The following PTPRD variants were observed in gnomAD, a reference collection of about 807,000 sequenced individuals.
PTPRD encodes the protein protein tyrosine phosphatase receptor type D.
PTPRD carries 34 observed loss-of-function variants against 214.5 expected under a neutral mutation model. The observed-to-expected ratio is 0.16, with a 90% CI of 0.12 to 0.21. The LOEUF (loss-of-function observed/expected upper bound fraction) is 0.21, where lower values mean the gene tolerates loss of function less well. Among genes scored for constraint, PTPRD ranks in the 10% least tolerant of loss-of-function variants. The pLI is 1.00. For missense variants in PTPRD, 2,545 were observed against 2,398.7 expected, an observed-to-expected ratio of 1.06 and a Z score of -1.27; for synonymous variants, 1,128 against 845.7, an observed-to-expected ratio of 1.33 and a Z score of -5.79.
intron 7 of PTPRD, among the ~76,000 whole-genome samples, chr9:9,580,818 G>T (rs1408437377): frequency 6.6e-6 from 1 of 151,780 alleles, no homozygotes; most frequent in African/African-American, 2.4e-5. Context: ...CAAAGTGCTG[G>T]GATTACAGGC....
At chr9:10,582,198 G>A (rs569971385) in intron 2 of PTPRD, among the ~76,000 whole-genome samples, 12 of 152,174 alleles carry the variant, frequency 7.9e-5, no homozygotes, top group Admixed American at 2.0e-4. Context: ...ATGGCCATCC[G>A]GTGAAACTGT....
intron 8 of PTPRD, among the ~76,000 whole-genome samples, chr9:9,435,752 T>A (rs1013301816): frequency 6.6e-6 from 1 of 152,182 alleles, no homozygotes; most frequent in African/African-American, 2.4e-5. Context: ...CAATACTTAT[T>A]ACATGTAATG....
intron 3 of PTPRD, among the ~76,000 whole-genome samples, chr9:10,217,289 C>G (rs150044153): frequency 4.2e-4 from 63 of 151,694 alleles, no homozygotes; most frequent in African/African-American, 1.5e-3. Context: ...AACACAGACA[C>G]GCAGGTACAA....
At chr9:8,947,029 CTTT>C (rs71317390) in intron 11 of PTPRD, among the ~76,000 whole-genome samples, 1 of 121,000 alleles carries the variant, frequency 8.3e-6, no homozygotes, top group African/African-American at 3.1e-5. Context: ...TTTTTCTTTT[CTTT>C]TTTTTTTTTT....
At chr9:9,111,058 C>T (rs988918637) in intron 10 of PTPRD, among the ~76,000 whole-genome samples, 1 of 151,944 alleles carries the variant, frequency 6.6e-6, no homozygotes, top group Non-Finnish European at 1.5e-5. Flanking sequence ...ATGGAGCTGA[C>T]AGTCCAACAG....
intron 12 of PTPRD, among the ~76,000 whole-genome samples, chr9:8,644,065 C>G (rs930886302): frequency 6.6e-6 from 1 of 152,168 alleles, no homozygotes; most frequent in African/African-American, 2.4e-5. Context: ...AAGTTCCAGG[C>G]TCAGCCAAAG....
rs552794855 is a variant in PTPRD at position 10,091,057 on chromosome 9, C to G, written c.-544-57267G>C. ...TCATACATCATTTCCATAATTATAC[C>G]TGGTATATGTAAAACAAATAATGGC... On this transcript the variant is annotated intron_variant, in intron 3 of 45. Transcript: ENST00000381196. 2.7e-5 allele frequency among the ~76,000 whole-genome samples: 4 copies of G among 150,668 alleles called. No homozygotes were observed. The South Asian group carries it at 6.3e-4, about 24-fold the overall frequency.
At chr9:9,097,575 A>AT (rs112183983) in intron 10 of PTPRD, among the ~76,000 whole-genome samples, 20,881 of 151,348 alleles carry the variant, frequency 0.14, 1,679 homozygotes, top group East Asian at 0.23. Context: ...TGCCAGGCTA[A>AT]TTTTTTTTGT....
chr9:10,502,633 A>T (rs529093007), intron 2 of PTPRD, among the ~76,000 whole-genome samples: 1 of 152,202 alleles, frequency 6.6e-6, no homozygotes, highest in Non-Finnish European at 1.5e-5. Context: ...CCCATTGCCT[A>T]AGCAGGCTAA....
chr9:10,000,570 GA>G (rs770981062), intron 4 of PTPRD, among the ~76,000 whole-genome samples: 14 of 152,176 alleles, frequency 9.2e-5, no homozygotes, highest in Non-Finnish European at 1.6e-4. Flanking sequence ...TACTTCTCTT[GA>G]GGGGGGAATA....
intron 8 of PTPRD, among the ~76,000 whole-genome samples, chr9:9,500,225 C>T (rs2096362305): frequency 6.6e-6 from 1 of 152,002 alleles, no homozygotes; most frequent in African/African-American, 2.4e-5. Context: ...GTAATCTCTC[C>T]TCCCAGCCAT....
chr9:8,864,222 T>C (rs1454185168), intron 11 of PTPRD, among the ~76,000 whole-genome samples: 1 of 152,210 alleles, frequency 6.6e-6, no homozygotes, highest in Non-Finnish European at 1.5e-5. Flanking sequence ...TCAATATTAT[T>C]ATTTCCATGG....
chr9:10,146,177 C>G (rs933573602), intron 3 of PTPRD, among the ~76,000 whole-genome samples: 1 of 136,126 alleles, frequency 7.3e-6, no homozygotes, highest in African/African-American at 2.7e-5. Context: ...ATGTATATGC[C>G]TATACAGTGA....
At chr9:10,546,205 T>C (rs931332108) in intron 2 of PTPRD, among the ~76,000 whole-genome samples, 1 of 110,712 alleles carries the variant, frequency 9.0e-6, no homozygotes, top group Middle Eastern at 3.9e-3. Flanking sequence ...CATGTATTTA[T>C]TTTTTTTTCT....
chr9:8,662,213 T>C (rs1214887471), intron 12 of PTPRD, among the ~76,000 whole-genome samples: 2 of 152,204 alleles, frequency 1.3e-5, no homozygotes, highest in Non-Finnish European at 2.9e-5. Flanking sequence ...TAAATGTATA[T>C]GAAGAGCACC....
At chr9:8,625,637 T>A (rs2096001531) in intron 14 of PTPRD, among the ~76,000 whole-genome samples, 1 of 151,694 alleles carries the variant, frequency 6.6e-6, no homozygotes, top group Admixed American at 6.6e-5. Context: ...TCAATAGTGC[T>A]ACACTTATGA....
At chr9:9,757,992 A>C (rs2098604436) in intron 6 of PTPRD, among the ~76,000 whole-genome samples, 1 of 152,004 alleles carries the variant, frequency 6.6e-6, no homozygotes, top group African/African-American at 2.4e-5. Context: ...ATCAGTGCTT[A>C]CATTTGGATA....
intron 7 of PTPRD, among the ~76,000 whole-genome samples, chr9:9,622,436 T>A (rs887248871): frequency 2.6e-5 from 4 of 152,218 alleles, no homozygotes; most frequent in African/African-American, 9.6e-5. Flanking sequence ...TTTCTTTTTC[T>A]TATTATTTTT....
chr9:8,861,485 A>C (rs1448857815), intron 11 of PTPRD: 1 of 152,052 alleles, frequency 6.6e-6, no homozygotes, highest in Non-Finnish European at 1.5e-5. Flanking sequence ...GCTAGTGATT[A>C]AAAGTTTGGA....
Sources: gnomAD v4.1 joint callset for allele counts (sites outside exome capture counted in the v4.1 genomes callset) on GRCh38, gnomAD v4.1.1 for gene constraint, MANE v1.5 for transcripts, NCBI Gene and HGNC (gene_info 2026-07-23, HGNC 2026-07-21) for gene names.